Variants in TCERG1L observed in about 807,000 individuals in gnomAD.
TCERG1L encodes the protein transcription elongation regulator 1-like protein.
In TCERG1L, 37 loss-of-function variants were observed where a neutral mutation model predicts 56.3. The observed-to-expected ratio is 0.66, with a 90% CI of 0.51 to 0.87. The LOEUF (loss-of-function observed/expected upper bound fraction) is 0.87. Ranked by LOEUF, TCERG1L falls within the 40% of genes least tolerant of loss-of-function variation. The pLI is 0.00. For missense variants in TCERG1L, 799 were observed against 774.2 expected (o/e 1.03, Z -0.38); for synonymous variants, 324 against 326.3 (o/e 0.99, Z 0.08).
chr10:131,150,647 C>T (rs1845853405), intron 6 of TCERG1L, among the ~76,000 whole-genome samples: 1 of 152,144 alleles, frequency 6.6e-6, no homozygotes, highest in Admixed American at 6.5e-5. Flanking sequence ...CTGGCAGGGA[C>T]CAGCAAGAGC....
At chr10:131,223,926 C>T (rs1373635821) in intron 4 of TCERG1L, among the ~76,000 whole-genome samples, 3 of 151,926 alleles carry the variant, frequency 2.0e-5, no homozygotes, top group Non-Finnish European at 4.4e-5. Flanking sequence ...CCTGTCCCCT[C>T]CCCAGGCCAC....
intron 5 of TCERG1L, 151 bp downstream of exon 5, chr10:131,166,646 C>A (rs1846032979): frequency 2.6e-6 from 2 of 757,578 alleles, no homozygotes; most frequent in Non-Finnish European, 4.2e-6. Flanking sequence ...CCCCGCCTGG[C>A]CCCTTCAGTG....
chr10:131,157,109 C>T lies in TCERG1L; in HGVS notation c.1034+6013G>A, dbSNP rs571507794. Among the ~76,000 whole-genome samples the T allele has an allele frequency of 5.3e-5, 8 of 152,300 alleles. No individual in the cohort carries two copies. In the South Asian group the frequency reaches 1.4e-3, roughly 28 times the overall value. ...ACTCATTTTGATAATCCGCCCCACA[C>T]TTCTTACCTTTTAACGACTTTTGCC... On this transcript the variant is annotated intron_variant, in intron 6 of 11. Transcript: ENST00000368642.
intron 10 of TCERG1L, among the ~76,000 whole-genome samples, chr10:131,100,412 T>C (rs12220244): frequency 0.22 from 34,175 of 152,060 alleles, 4,234 homozygotes; most frequent in East Asian, 0.49. Context: ...TCTCATCAAA[T>C]GCTTCTCTCT....
In TCERG1L at chr10:131,267,029, G is replaced by C. The variant is rs1846294890; in HGVS notation, c.671-6585C>G. ...ACTGGCAACCGGCCCCCAGCCTTCA[G>C]GTCCTCCCTGGCCTGAAGGTGCATC... On this transcript the variant is annotated intron_variant, in intron 3 of 11. Transcript: ENST00000368642. The surrounding 1 kb of genome is among the most constrained non-coding windows in gnomAD (Gnocchi z 4.9). Among the ~76,000 whole-genome samples, 2 of 152,006 alleles carry C rather than the reference G, an allele frequency of 1.3e-5. No individual in the cohort carries two copies. The highest frequency in any genetic ancestry group is 4.2e-4 in the South Asian group (2 of 4,814).
At chr10:131,217,716 T>A (rs1845685389) in intron 4 of TCERG1L, among the ~76,000 whole-genome samples, 1 of 75,160 alleles carries the variant, frequency 1.3e-5, no homozygotes, top group Non-Finnish European at 2.9e-5. Flanking sequence ...CCCTTTTTTT[T>A]TTTTTTTTTT....
chr10:131,172,269 G>C (rs1846100230), intron 4 of TCERG1L, among the ~76,000 whole-genome samples: 1 of 152,216 alleles, frequency 6.6e-6, no homozygotes, highest in Non-Finnish European at 1.5e-5. Flanking sequence ...CCACGGGGGA[G>C]GAGGGGAACC....
At chr10:131,193,613 A>G (rs1335336868) in intron 4 of TCERG1L, among the ~76,000 whole-genome samples, 1 of 152,170 alleles carries the variant, frequency 6.6e-6, no homozygotes, top group Non-Finnish European at 1.5e-5. Context: ...TCCTTTCTCC[A>G]ATGTCTTGTC....
intron 3 of TCERG1L, among the ~76,000 whole-genome samples, chr10:131,266,788 C>T (rs1846291204): frequency 3.9e-5 from 6 of 152,124 alleles, no homozygotes. Context: ...GGTAGCTCCT[C>T]TCTGTGGCTG....
At position 131,134,404 on chromosome 10, in the gene TCERG1L, G is replaced by A; in HGVS notation, c.1234C>T (p.Gln412Ter). 1 of 1,594,708 alleles carries A rather than the reference G, an allele frequency of 6.3e-7. No homozygotes were observed. Among genetic ancestry groups the A allele is most frequent in the Non-Finnish European group, 8.5e-7 (1 of 1,169,924 alleles). Residue 412 changes from glutamine to a stop codon, truncating the protein, a stop_gained, in exon 8 of 12, where the codon CAA becomes TAA. Coordinates refer to ENST00000368642, the MANE Select transcript of TCERG1L (RefSeq NM_174937.4). LOFTEE classifies it high-confidence loss of function. Reference protein sequence around the residue: ...GSSSEDNREDQDVKTKRNRTE... With the variant: ...GSSSEDNRED ...CGGTTCCTCTTGGTTTTCACATCTTGGTCTTCCCTGTTGTCTTCAGAACTG... is the reference window on the plus strand; with the variant it reads ...CGGTTCCTCTTGGTTTTCACATCTTAGTCTTCCCTGTTGTCTTCAGAACTG...
chr10:131,284,482 C>T (rs2133565925), intron 3 of TCERG1L, among the ~76,000 whole-genome samples: 1 of 151,228 alleles, frequency 6.6e-6, no homozygotes, highest in Admixed American at 6.6e-5. Context: ...AATATACAAC[C>T]TAAGGATTTA....
chr10:131,114,206 C>T (rs1564794242), intron 9 of TCERG1L, among the ~76,000 whole-genome samples: 1 of 142,228 alleles, frequency 7.0e-6, no homozygotes, highest in African/African-American at 2.5e-5. Flanking sequence ...AATGCAATAA[C>T]AAATCTTATT....
intron 3 of TCERG1L, among the ~76,000 whole-genome samples, chr10:131,273,628 G>C (rs530048306): frequency 2.0e-5 from 3 of 152,324 alleles, no homozygotes; most frequent in Admixed American, 2.0e-4. Context: ...TCCCTCATTT[G>C]CCGAGAGGAG....
At chr10:131,277,065 C>G (rs541550218) in intron 3 of TCERG1L, among the ~76,000 whole-genome samples, 1 of 152,082 alleles carries the variant, frequency 6.6e-6, no homozygotes, top group South Asian at 2.1e-4. Flanking sequence ...CTATCCTAAG[C>G]GAGACGAGAG....
intron 4 of TCERG1L, among the ~76,000 whole-genome samples, chr10:131,225,947 G>A (rs577696842): frequency 3.9e-5 from 6 of 152,274 alleles, no homozygotes; most frequent in South Asian, 2.1e-4. Flanking sequence ...AAGTATTTAC[G>A]TATTTATTTG....
At chr10:131,255,198 G>A (rs1052362557) in intron 4 of TCERG1L, among the ~76,000 whole-genome samples, 7 of 152,160 alleles carry the variant, frequency 4.6e-5, no homozygotes, top group Non-Finnish European at 1.0e-4. Context: ...ACTGGCAGAG[G>A]GGACAAGGTG....
chr10:131,291,782 A>G (rs931445692), intron 3 of TCERG1L, among the ~76,000 whole-genome samples: 1 of 145,400 alleles, frequency 6.9e-6, no homozygotes, highest in African/African-American at 2.5e-5. Context: ...TAGTAACTGT[A>G]AAAAAAAAAA....
chr10:131,229,885 T>C (rs1845830531), intron 4 of TCERG1L, among the ~76,000 whole-genome samples: 1 of 152,146 alleles, frequency 6.6e-6, no homozygotes, highest in Non-Finnish European at 1.5e-5. Context: ...GTGAGTAACC[T>C]TCTGAACGAA....
chr10:131,270,827 G>A (rs369985606), intron 3 of TCERG1L, among the ~76,000 whole-genome samples: 8 of 152,156 alleles, frequency 5.3e-5, no homozygotes, highest in Non-Finnish European at 7.3e-5. Context: ...ACAAAGGCCC[G>A]CGGTGATGAT....
Sources: gnomAD v4.1 joint callset for allele counts (sites outside exome capture counted in the v4.1 genomes callset) on GRCh38, gnomAD v4.1.1 for gene constraint, Gnocchi (gnomAD v3.1) non-coding constraint, MANE v1.5 for transcripts, NCBI Gene and HGNC (gene_info 2026-07-23, HGNC 2026-07-21) for gene names.